Variants in BIRC6 observed in about 807,000 individuals in gnomAD.
BIRC6 encodes the protein baculoviral IAP repeat containing 6, also known as dual E2 ubiquitin-conjugating enzyme/E3 ubiquitin-protein ligase BIRC6.
BIRC6 carries 98 observed loss-of-function variants against 503.3 expected under a neutral mutation model. The ratio of observed to expected loss-of-function variants is 0.19; its 90% CI spans 0.17 to 0.23. The LOEUF is 0.23. Ranked by LOEUF, BIRC6 falls within the 10% of genes least tolerant of loss-of-function variation. BIRC6 has a pLI of 1.00. For synonymous variants in BIRC6, 2,240 were observed against 2,078.7 expected (o/e 1.08, Z -2.11); for missense variants, 5,360 against 5,806.0 (o/e 0.92, Z 2.50).
chr2:32,482,688 G>A (rs2050545260), intron 39 of BIRC6, 106 bp downstream of exon 39: 2 of 1,217,378 alleles, frequency 1.6e-6, no homozygotes, highest in South Asian at 2.9e-5. Context: ...ATGCCAGTGG[G>A]TTTAGTATCA....
At chr2:32,592,082 A>C (rs2061415291) in intron 66 of BIRC6, among the ~76,000 whole-genome samples, 1 of 152,200 alleles carries the variant, frequency 6.6e-6, no homozygotes, top group South Asian at 2.1e-4. Flanking sequence ...CGAGCAGTAA[A>C]ATTCTCTGAT....
chr2:32,439,416 G>C, intron 15 of BIRC6, 92 bp from the exon 16 acceptor site: 1 of 1,247,030 alleles, frequency 8.0e-7, no homozygotes, highest in Non-Finnish European at 1.1e-6. Flanking sequence ...ACTTTTTGTG[G>C]AGTTAGTTGT....
At chr2:32,469,038 GTA>G (rs894644082) in intron 29 of BIRC6, among the ~76,000 whole-genome samples, 33 of 152,244 alleles carry the variant, frequency 2.2e-4, no homozygotes, top group African/African-American at 7.9e-4. Flanking sequence ...AAAGTATTAA[GTA>G]TTGCATTGAA....
In BIRC6 at chr2:32,482,412, T is replaced by C. The variant is rs371010303; in HGVS notation, c.7543-17T>C. The C allele has an allele frequency of 2.1e-5, 33 of 1,604,626 alleles. No individual in the cohort carries two copies. The highest frequency in any genetic ancestry group is 2.6e-5 in the Non-Finnish European group (31 of 1,174,504). On this transcript the variant is annotated splice_polypyrimidine_tract_variant and intron_variant, in intron 38 of 73. Coordinates refer to ENST00000421745, the MANE Select transcript of BIRC6 (RefSeq NM_016252.4). The stretch of plus-strand genomic sequence containing the variant: ...AGAGGCAAAAATAAACCACAGTTTT[T>C]TTTCCATTCTTTTAAGCCAATAAGC...
chr2:32,590,714 T>G (rs1406070454), intron 66 of BIRC6: 4 of 884,998 alleles, frequency 4.5e-6, no homozygotes, highest in Non-Finnish European at 4.1e-6. Context: ...ACTAATTAGC[T>G]ATTTAGTTGG....
chr2:32,571,814 A>G (rs1054087988), intron 65 of BIRC6, among the ~76,000 whole-genome samples: 1 of 152,110 alleles, frequency 6.6e-6, no homozygotes, highest in Non-Finnish European at 1.5e-5. Context: ...CTTGAGGTAC[A>G]TGTAAGATTG....
rs573193971 is a variant in BIRC6 at position 32,468,391 on chromosome 2, A to G, written c.5781-46A>G. 9.9e-6 allele frequency: 14 copies of G among 1,410,864 alleles called. No individual in the cohort carries two copies. The East Asian group carries it at 3.2e-4, about 32-fold the overall frequency. 87.4% of individuals were successfully genotyped at this position (1,410,864 alleles called of 1,614,324 possible). A position where few individuals can be genotyped will look rare whatever the true frequency, so the allele number is the denominator to read the frequency against. On this transcript the variant is annotated intron_variant, in intron 28 of 73. Transcript: ENST00000421745. ...TCTTAGTATTTGTACATGTACATAA[A>G]GAGGACATTACAAGAATTATTTTGT...
At chr2:32,364,616 A>G (rs1573644472) in intron 1 of BIRC6, among the ~76,000 whole-genome samples, 1 of 150,052 alleles carries the variant, frequency 6.7e-6, no homozygotes, top group Non-Finnish European at 1.5e-5. Flanking sequence ...ATAGATAGTG[A>G]CTTTTTTTTT....
chr2:32,435,339 C>A, intron 13 of BIRC6, 157 bp from the exon 14 acceptor site: 1 of 349,476 alleles, frequency 2.9e-6, no homozygotes, highest in Non-Finnish European at 4.0e-6. Flanking sequence ...CATTTTATAG[C>A]ATCTGTGATG....
chr2:32,450,003 T>G (rs1205112806), intron 22 of BIRC6, among the ~76,000 whole-genome samples: 2 of 152,288 alleles, frequency 1.3e-5, no homozygotes, highest in Middle Eastern at 3.4e-3. Context: ...CCATTGTAAT[T>G]TATGATTGGA....
intron 1 of BIRC6, among the ~76,000 whole-genome samples, chr2:32,373,888 C>T (rs2036331494): frequency 6.6e-6 from 1 of 152,182 alleles, no homozygotes; most frequent in South Asian, 2.1e-4. Context: ...GAAATTCTGA[C>T]ATAGGCTCTA....
intron 33 of BIRC6, among the ~76,000 whole-genome samples, chr2:32,473,742 TG>T (rs2049369464): frequency 2.1e-5 from 3 of 141,028 alleles, no homozygotes; most frequent in African/African-American, 5.3e-5. Context: ...TGTGTGTGTG[TG>T]TGTGTGTATT....
chr2:32,575,295 A>T lies in BIRC6; in HGVS notation c.13284A>T (p.Glu4428Asp), dbSNP rs116818533. The change falls in exon 66 of 74, where the codon GAA (glutamate) becomes GAT (aspartate). Residue 4428 changes from glutamate to aspartate, a missense_variant. By Grantham distance (45) the Glu-to-Asp change is conservative (BLOSUM62 2). Coordinates refer to ENST00000421745, the MANE Select transcript of BIRC6 (RefSeq NM_016252.4). The stretch of plus-strand genomic sequence containing the variant: ...GTGAAGAGGAAGAAGAACAGTCAGA[A>T]TGTCAAACTTCTGTTGGTACATTGT... The part of the protein sequence containing the change: ...ENGEEEEEQS[E>D]CQTSVGTLLA... 1.0e-3 allele frequency: 1,666 copies of T among 1,613,986 alleles called. 21 individuals are homozygous for T. In the African/African-American group the frequency reaches 0.019, roughly 19 times the overall value.
At position 32,400,336 on chromosome 2, in the gene BIRC6, C is replaced by CTT. The variant is rs746431747; in HGVS notation, c.1035-808_1035-807dup. ...ACTAGAGATCTTTCTGCTTTCAGAT[C>CTT]TTTTTTTTTTTTTTTTTTTTGAGGT... On this transcript the variant is annotated intron_variant, in intron 6 of 73. Transcript: ENST00000421745. Among the ~76,000 whole-genome samples, 962 of 118,318 alleles carry CTT rather than the reference C, an allele frequency of 8.1e-3. 16 individuals carry two copies. The highest frequency in any genetic ancestry group is 0.014 in the Middle Eastern group (3 of 208). 77.6% of individuals were successfully genotyped at this position (118,318 alleles called of 152,430 possible).
chr2:32,489,105 C>T (rs774390560), intron 42 of BIRC6, among the ~76,000 whole-genome samples: 1 of 151,282 alleles, frequency 6.6e-6, no homozygotes, highest in Non-Finnish European at 1.5e-5. Flanking sequence ...TGGTCAGTTT[C>T]CTGTGGAAGT....
At chr2:32,524,799 A>G in intron 57 of BIRC6, 89 bp from the exon 58 acceptor site, 2 of 957,432 alleles carry the variant, frequency 2.1e-6, no homozygotes, top group East Asian at 6.7e-5. Context: ...GGATAATATT[A>G]TCTTGCATAA....
chr2:32,383,367 T>A (rs1194185920), intron 3 of BIRC6, among the ~76,000 whole-genome samples: 1 of 152,150 alleles, frequency 6.6e-6, no homozygotes, highest in Non-Finnish European at 1.5e-5. Flanking sequence ...GATATATTGG[T>A]CAAGAGGATG....
chr2:32,446,784 T>G (rs2046019176), intron 21 of BIRC6, among the ~76,000 whole-genome samples: 1 of 107,140 alleles, frequency 9.3e-6, no homozygotes, highest in East Asian at 2.6e-4. Context: ...TGATCATTCT[T>G]GGGTGTTTCT....
chr2:32,509,135 A>ATAGTAATC (rs1263272798), intron 51 of BIRC6, among the ~76,000 whole-genome samples: 3 of 152,140 alleles, frequency 2.0e-5, no homozygotes, highest in African/African-American at 7.2e-5. Context: ...GAAGTCTATG[A>ATAGTAATC]TAGTAATCAG....
Sources: gnomAD v4.1 joint callset for allele counts (sites outside exome capture counted in the v4.1 genomes callset) on GRCh38, gnomAD v4.1.1 for gene constraint, MANE v1.5 for transcripts, NCBI Gene and HGNC (gene_info 2026-07-23, HGNC 2026-07-21) for gene names.